The following DLG2 variants were observed in gnomAD, a reference collection of about 807,000 sequenced individuals.
The protein encoded by DLG2 is disks large homolog 2.
DLG2 carries 45 observed loss-of-function variants against 132.5 expected under a neutral mutation model. The ratio of observed to expected loss-of-function variants is 0.34; its 90% CI spans 0.27 to 0.44. The LOEUF (loss-of-function observed/expected upper bound fraction) is 0.44, where lower values mean the gene tolerates loss of function less well. Among genes scored for constraint, DLG2 ranks in the 20% least tolerant of loss-of-function variants. The pLI, the probability that DLG2 is intolerant of heterozygous loss-of-function variation, is 1.00. For missense variants in DLG2, 1,045 were observed against 1,196.9 expected (o/e 0.87, Z 1.87); for synonymous variants, 424 against 419.6 (o/e 1.01, Z -0.13).
At chr11:84,697,361 A>G (rs1188817666) in intron 6 of DLG2, among the ~76,000 whole-genome samples, 1 of 151,516 alleles carries the variant, frequency 6.6e-6, no homozygotes, top group Non-Finnish European at 1.5e-5. Context: ...TCTTCCTAAG[A>G]ATACACACAT....
intron 6 of DLG2, among the ~76,000 whole-genome samples, chr11:85,061,334 T>A (rs1049617225): frequency 1.3e-5 from 2 of 151,824 alleles, no homozygotes; most frequent in Non-Finnish European, 2.9e-5. Context: ...CTGGCATCTT[T>A]TTTTCTACAA....
At chr11:84,779,205 C>T (rs530066673) in intron 6 of DLG2, among the ~76,000 whole-genome samples, 3 of 152,036 alleles carry the variant, frequency 2.0e-5, no homozygotes, top group African/African-American at 7.3e-5. Flanking sequence ...CACACACACA[C>T]ACACACACAT....
At chr11:83,467,313 A>G (rs899766848) in intron 25 of DLG2, among the ~76,000 whole-genome samples, 2 of 152,184 alleles carry the variant, frequency 1.3e-5, no homozygotes, top group African/African-American at 4.8e-5. Flanking sequence ...TTGGTTGGAA[A>G]AAATAGACAC....
intron 5 of DLG2, among the ~76,000 whole-genome samples, chr11:85,132,024 A>C (rs2075751976): frequency 6.6e-6 from 1 of 152,170 alleles, no homozygotes; most frequent in African/African-American, 2.4e-5. Flanking sequence ...CTATTCAAAT[A>C]ATCAGTGATT....
intron 7 of DLG2, among the ~76,000 whole-genome samples, chr11:84,514,289 C>T (rs1486179178): frequency 6.6e-6 from 1 of 151,994 alleles, no homozygotes; most frequent in East Asian, 1.9e-4. Context: ...TTGGAAGTTC[C>T]TTTAAAAACT....
At chr11:85,320,968 T>G (rs2081023895) in intron 3 of DLG2, among the ~76,000 whole-genome samples, 1 of 151,662 alleles carries the variant, frequency 6.6e-6, no homozygotes, top group African/African-American at 2.4e-5. Flanking sequence ...ATGATCTAAC[T>G]TCCATTTTAA....
chr11:85,047,493 T>C (rs992954621), intron 6 of DLG2, among the ~76,000 whole-genome samples: 1 of 151,946 alleles, frequency 6.6e-6, no homozygotes, highest in Non-Finnish European at 1.5e-5. Context: ...TCAGACTTCA[T>C]AGCTTTTGGA....
Position 85,061,975 on chromosome 11 carries a change from G to A in DLG2, c.357+49686C>T, listed in dbSNP as rs182258924. ...ATTTCCCCCAGCCCATTTTACACTC[G>A]CATGGCTCAGTTGAAAAATTTGAGG... On this transcript the variant is annotated intron_variant, in intron 6 of 27. Coordinates refer to ENST00000376104, the MANE Select transcript of DLG2 (RefSeq NM_001142699.3). 5.9e-5 allele frequency among the ~76,000 whole-genome samples: 9 copies of A among 151,690 alleles called. No homozygotes were observed. The East Asian group carries it at 1.2e-3, about 20-fold the overall frequency.
chr11:85,187,061 A>G (rs17742882), intron 4 of DLG2, among the ~76,000 whole-genome samples: 20,247 of 152,124 alleles, frequency 0.13, 1,857 homozygotes, highest in Non-Finnish European at 0.2. Flanking sequence ...TTAAAAATCC[A>G]TTTACATGAT....
chr11:84,496,259 A>G (rs1007789350), intron 7 of DLG2, among the ~76,000 whole-genome samples: 4 of 152,164 alleles, frequency 2.6e-5, no homozygotes, highest in African/African-American at 9.7e-5. Flanking sequence ...CCTGCTTTGA[A>G]TGAGGTTCAG....
chr11:85,492,970 T>G (rs1186060626), intron 3 of DLG2, among the ~76,000 whole-genome samples: 6 of 152,100 alleles, frequency 3.9e-5, no homozygotes, highest in Admixed American at 3.9e-4. Flanking sequence ...GAGTGACTTT[T>G]GAAGGAGTTA....
intron 6 of DLG2, among the ~76,000 whole-genome samples, chr11:85,024,048 A>C (rs1156427940): frequency 1.3e-5 from 2 of 152,134 alleles, no homozygotes; most frequent in Non-Finnish European, 2.9e-5. Context: ...ATATGTATAT[A>C]TACACTGTTC....
At chr11:84,443,181 T>C (rs1040949026) in intron 7 of DLG2, among the ~76,000 whole-genome samples, 2 of 152,146 alleles carry the variant, frequency 1.3e-5, no homozygotes, top group African/African-American at 4.8e-5. Flanking sequence ...CTTTCATATG[T>C]TTAATCATAA....
chr11:84,347,290 C>G (rs2154409699), intron 7 of DLG2, among the ~76,000 whole-genome samples: 1 of 152,298 alleles, frequency 6.6e-6, no homozygotes, highest in Middle Eastern at 3.4e-3. Flanking sequence ...ATATGTAATA[C>G]ATTGTATATC....
chr11:85,474,751 A>G (rs2153081115), intron 3 of DLG2, among the ~76,000 whole-genome samples: 1 of 151,818 alleles, frequency 6.6e-6, no homozygotes, highest in Admixed American at 6.5e-5. Context: ...TTTTAGTTTT[A>G]ATTCATTTAA....
chr11:84,989,444 G>A (rs532836069), intron 6 of DLG2, among the ~76,000 whole-genome samples: 9 of 152,184 alleles, frequency 5.9e-5, no homozygotes, highest in South Asian at 2.1e-4. Flanking sequence ...CCAAAGTGCC[G>A]GGATTACAGG....
At chr11:84,865,020 A>T (rs1344466665) in intron 6 of DLG2, among the ~76,000 whole-genome samples, 1 of 152,122 alleles carries the variant, frequency 6.6e-6, no homozygotes, top group African/African-American at 2.4e-5. Flanking sequence ...TACAAAGAAA[A>T]ATCTGACTAA....
At chr11:84,168,938 T>C (rs1255837056) in intron 8 of DLG2, among the ~76,000 whole-genome samples, 1 of 152,070 alleles carries the variant, frequency 6.6e-6, no homozygotes, top group African/African-American at 2.4e-5. Flanking sequence ...TTATAGTAAA[T>C]ATGTCATGAT....
At chr11:84,329,100 A>G (rs895388822) in intron 7 of DLG2, among the ~76,000 whole-genome samples, 3 of 152,194 alleles carry the variant, frequency 2.0e-5, no homozygotes, top group African/African-American at 7.2e-5. Flanking sequence ...TTGTCCCATT[A>G]AGGTGAGTTA....
Sources: allele counts gnomAD v4.1 joint callset (sites outside exome capture counted in the v4.1 genomes callset), GRCh38; gene constraint gnomAD v4.1.1; transcripts MANE v1.5; gene names NCBI Gene and HGNC (gene_info 2026-07-23, HGNC 2026-07-21).